ANO4: variants seen among roughly 807,000 people sequenced by gnomAD.
The protein encoded by ANO4 is anoctamin 4.
In ANO4, 69 loss-of-function variants were observed where a neutral mutation model predicts 141.9. The observed-to-expected ratio is 0.49, with a 90% CI of 0.40 to 0.59. The LOEUF is 0.59. ANO4 is among the 20% of genes least tolerant of loss of function. The pLI, the probability that ANO4 is intolerant of heterozygous loss-of-function variation, is 0.00. For synonymous variants in ANO4, 350 were observed against 394.3 expected (o/e 0.89, Z 1.33); for missense variants, 894 against 1,162.2 (o/e 0.77, Z 3.36).
chr12:100,931,955 A>G (rs2042100684), intron 3 of ANO4, among the ~76,000 whole-genome samples: 1 of 150,304 alleles, frequency 6.7e-6, no homozygotes, highest in Admixed American at 6.7e-5. Context: ...AGATATAAAC[A>G]TTTTTTGCAT....
chr12:101,071,286 T>A (rs1233779645), intron 14 of ANO4, among the ~76,000 whole-genome samples: 2 of 151,012 alleles, frequency 1.3e-5, no homozygotes, highest in African/African-American at 4.9e-5. Flanking sequence ...TCAGCAGATG[T>A]ATAAATAAAG....
At chr12:100,863,141 A>C (rs1247797794) in intron 1 of ANO4, among the ~76,000 whole-genome samples, 2 of 152,190 alleles carry the variant, frequency 1.3e-5, no homozygotes, top group Non-Finnish European at 2.9e-5. Context: ...TTCAAAGAAG[A>C]GGAAGCAGGC....
intron 1 of ANO4, among the ~76,000 whole-genome samples, chr12:100,840,844 G>A (rs1343040837): frequency 6.6e-6 from 1 of 152,106 alleles, no homozygotes; most frequent in African/African-American, 2.4e-5. Flanking sequence ...ATTAGGCTAT[G>A]GAATGTTAAT....
At chr12:100,898,843 A>T (rs528897742) in intron 1 of ANO4, among the ~76,000 whole-genome samples, 1 of 152,228 alleles carries the variant, frequency 6.6e-6, no homozygotes, top group Non-Finnish European at 1.5e-5. Flanking sequence ...TGCATGTATC[A>T]TCTGATGTTG....
intron 13 of ANO4, among the ~76,000 whole-genome samples, chr12:101,045,541 G>A (rs531797688): frequency 6.6e-6 from 1 of 152,322 alleles, no homozygotes; most frequent in South Asian, 2.1e-4. Context: ...TGGATACACA[G>A]AAATATTAAA....
upstream of ANO4, among the ~76,000 whole-genome samples, chr12:100,791,571 G>A (rs1001042063): frequency 8.5e-5 from 13 of 152,164 alleles, no homozygotes; most frequent in African/African-American, 2.7e-4. Context: ...AAGAAGTTTC[G>A]GCTTCAACTT....
chr12:101,083,867 G>A (rs2049380300), intron 16 of ANO4, 49 bp downstream of exon 16: 2 of 1,454,482 alleles, frequency 1.4e-6, no homozygotes, highest in Non-Finnish European at 1.8e-6. Flanking sequence ...CAAACCTATA[G>A]CATAATAACA....
chr12:101,024,621 G>C (rs1273116499), intron 9 of ANO4, among the ~76,000 whole-genome samples: 1 of 151,820 alleles, frequency 6.6e-6, no homozygotes. Context: ...TATCATGTGA[G>C]TCTCTTATTA....
In ANO4 at chr12:100,815,051, AT is replaced by A. The variant is rs554932522; in HGVS notation, c.-141+20025del. On this transcript the variant is annotated intron_variant, in intron 1 of 27. Transcript: ENST00000392977. ...CACTCAAGAGGGATGCCTGGAGGGA[AT>A]GGGGGAGAAACAGAGAGAGAGAGAG... is the stretch of plus-strand genomic sequence containing the variant. 4.8e-4 allele frequency among the ~76,000 whole-genome samples: 73 copies of A among 152,112 alleles called. No individual in the cohort carries two copies. In the South Asian group the frequency reaches 0.014, roughly 30 times the overall value.
chr12:101,025,999 C>T lies in ANO4; in HGVS notation c.841+5859C>T, dbSNP rs956428277. Among the ~76,000 whole-genome samples the T allele has an allele frequency of 5.3e-5, 8 of 152,156 alleles. No individual in the cohort carries two copies. In the East Asian group the frequency reaches 1.5e-3, roughly 29 times the overall value. On this transcript the variant is annotated intron_variant, in intron 9 of 27. Coordinates refer to ENST00000392977, the MANE Select transcript of ANO4 (RefSeq NM_001286615.2). ...TAATGATAAAAGACTGAATATTTTCCTCCCAAGATAATGAACGGGACAAGT... is the reference window on the plus strand; with the variant it reads ...TAATGATAAAAGACTGAATATTTTCTTCCCAAGATAATGAACGGGACAAGT...
intron 3 of ANO4, among the ~76,000 whole-genome samples, chr12:100,764,456 A>C (rs58281841): frequency 0.15 from 22,397 of 152,206 alleles, 1,923 homozygotes; most frequent in Non-Finnish European, 0.19. Flanking sequence ...TTCTTTTTAT[A>C]AGTAAATAAA....
chr12:101,096,448 C>A, intron 18 of ANO4, 88 bp from the exon 19 acceptor site: 1 of 1,081,502 alleles, frequency 9.2e-7, no homozygotes, highest in East Asian at 2.4e-5. Context: ...TCCTGCGTCC[C>A]CACCCTGTGT....
At chr12:100,862,619 G>C (rs754800741) in intron 1 of ANO4, among the ~76,000 whole-genome samples, 1 of 152,148 alleles carries the variant, frequency 6.6e-6, no homozygotes, top group African/African-American at 2.4e-5. Flanking sequence ...ACTGTGCCTG[G>C]CCTTTATTAT....
chr12:101,087,689 G>C (rs1218291137), intron 17 of ANO4, among the ~76,000 whole-genome samples: 5 of 152,076 alleles, frequency 3.3e-5, no homozygotes, highest in Admixed American at 3.3e-4. Flanking sequence ...TAAACTGCCT[G>C]CTTGACCATC....
intron 1 of ANO4, among the ~76,000 whole-genome samples, chr12:100,853,852 T>C (rs1391034686): frequency 6.6e-6 from 1 of 152,140 alleles, no homozygotes; most frequent in Non-Finnish European, 1.5e-5. Flanking sequence ...CATATAATAT[T>C]ACAATTGTTC....
chr12:100,838,004 A>G (rs1320396001), intron 1 of ANO4, among the ~76,000 whole-genome samples: 1 of 152,072 alleles, frequency 6.6e-6, no homozygotes, highest in African/African-American at 2.4e-5. Flanking sequence ...TTGACTATTC[A>G]ATATTCCACA....
At chr12:100,918,967 G>A (rs545815374) in intron 2 of ANO4, among the ~76,000 whole-genome samples, 138 of 151,956 alleles carry the variant, frequency 9.1e-4, no homozygotes, top group African/African-American at 3.1e-3. Flanking sequence ...CCTTGTATAG[G>A]CCTAGGCTAA....
chr12:100,819,057 A>G (rs1038817303), intron 1 of ANO4, among the ~76,000 whole-genome samples: 1 of 151,062 alleles, frequency 6.6e-6, no homozygotes, highest in Non-Finnish European at 1.5e-5. Context: ...GTGTATATAT[A>G]TATGTATGTG....
intron 1 of ANO4, among the ~76,000 whole-genome samples, chr12:100,808,918 T>G (rs2035228628): frequency 6.6e-6 from 1 of 152,246 alleles, no homozygotes; most frequent in African/African-American, 2.4e-5. Context: ...GAGATTCTTT[T>G]GCAAAGTGTT....
Sources: gnomAD v4.1 joint callset for allele counts (sites outside exome capture counted in the v4.1 genomes callset) on GRCh38, gnomAD v4.1.1 for gene constraint, MANE v1.5 for transcripts, NCBI Gene and HGNC (gene_info 2026-07-23, HGNC 2026-07-21) for gene names.